Variants in KIDINS220 observed in about 807,000 individuals in gnomAD.
KIDINS220 encodes the protein kinase D interacting substrate 220, also known as kinase D-interacting substrate of 220 kDa.
Under a neutral mutation model 157.6 loss-of-function variants are expected in KIDINS220, and 63 were observed. The ratio of observed to expected loss-of-function variants is 0.40; its 90% CI spans 0.33 to 0.49. The LOEUF is 0.49. Ranked by LOEUF, KIDINS220 falls within the 20% of genes least tolerant of loss-of-function variation. The pLI is 0.66. For missense variants in KIDINS220, 1,772 were observed against 2,171.2 expected, an observed-to-expected ratio of 0.82 and a Z score of 3.65; for synonymous variants, 732 against 783.6, an observed-to-expected ratio of 0.93 and a Z score of 1.10.
intron 22 of KIDINS220, among the ~76,000 whole-genome samples, chr2:8,758,995 G>A (rs965488770): frequency 1.3e-5 from 2 of 152,204 alleles, no homozygotes; most frequent in African/African-American, 4.8e-5. Context: ...TCGTGTGGTG[G>A]TCACAGAATA....
rs749893524 is a variant in KIDINS220, at chr2:8,765,022, G to C, written c.3011+5648C>G. Among the ~76,000 whole-genome samples, 4 of 145,474 alleles carry C rather than the reference G, an allele frequency of 2.7e-5. No individual in the cohort carries two copies. In the East Asian group the frequency reaches 7.7e-4, roughly 28 times the overall value. On this transcript the variant is annotated intron_variant, in intron 22 of 29. Transcript: ENST00000256707. The stretch of plus-strand genomic sequence containing the variant: ...CTCATCTAATAAAGCCTCGAAGGAT[G>C]GGGGGGCTTGGTAACAAAAGGCTTC...
At chr2:8,815,891 T>A (rs1284061198) in intron 4 of KIDINS220, among the ~76,000 whole-genome samples, 1 of 152,120 alleles carries the variant, frequency 6.6e-6, no homozygotes, top group Non-Finnish European at 1.5e-5. Flanking sequence ...ATCCTGGAAT[T>A]CTTCCTGAGC....
chr2:8,819,234 A>C (rs1040757863), intron 2 of KIDINS220, among the ~76,000 whole-genome samples: 6 of 152,208 alleles, frequency 3.9e-5, no homozygotes, highest in African/African-American at 1.4e-4. Context: ...ATAATAAATA[A>C]AAACAACCAG....
rs200081016 is a variant in KIDINS220, at chr2:8,747,933, C to T, written c.3482G>A (p.Arg1161His). The change falls in exon 25 of 30, where the codon CGT becomes CAT. Residue 1161 changes from arginine (R) to histidine (H), a missense_variant. Physicochemically the swap from Arg to His is conservative, Grantham distance 29 (BLOSUM62 0). Transcript: ENST00000256707. ...YPGGSQHLISRPSVKTSLPRD... is the reference protein window; with the variant it reads ...YPGGSQHLISHPSVKTSLPRD... ...GGGCAAACTCGTTTTTACTGATGGA[C>T]GTGAGATGAGATGTTGGGAGCCGCC... The T allele has an allele frequency of 3.4e-5, 54 of 1,605,818 alleles. No homozygotes were observed. In the South Asian group the frequency reaches 3.7e-4, roughly 11 times the overall value.
chr2:8,749,383 G>A (rs899153065), intron 24 of KIDINS220: 39 of 456,004 alleles, frequency 8.6e-5, no homozygotes, highest in Non-Finnish European at 1.1e-4. Flanking sequence ...TAAGAGAACA[G>A]TTCCAGAAAG....
Position 8,802,947 on chromosome 2 carries a change from C to T in KIDINS220, c.784G>A (p.Val262Met), listed in dbSNP as rs553579535. 37 of 1,613,774 alleles carry T rather than the reference C, an allele frequency of 2.3e-5. No homozygotes were observed. The highest frequency in any genetic ancestry group is 3.1e-5 in the Non-Finnish European group (36 of 1,179,966). The change falls in exon 8 of 30, where the codon GTG becomes ATG. Residue 262 changes from valine (V) to methionine (M), a missense_variant. Val to Met is a conservative substitution (Grantham distance 21). This residue lies in a region of KIDINS220 where 725 missense variants were observed against 1,017.1 expected (regional missense o/e 0.71). Transcript: ENST00000256707. ...VQDLLDAGTY[V>M]NIPDRSGDTV... ...TGACCTACCCTGTCAGGTATGTTCA[C>T]ATATGTTCCAGCGTCGAGCAGATCC...
At chr2:8,834,402 T>G (rs1422661222) in intron 1 of KIDINS220, among the ~76,000 whole-genome samples, 1 of 151,874 alleles carries the variant, frequency 6.6e-6, no homozygotes, top group Non-Finnish European at 1.5e-5. Context: ...ATACGTCACC[T>G]GATCAGAGCT....
At chr2:8,780,520 C>G (rs199813739) in intron 17 of KIDINS220, among the ~76,000 whole-genome samples, 2 of 148,960 alleles carry the variant, frequency 1.3e-5, no homozygotes, top group African/African-American at 4.9e-5. Context: ...GTGTGTGTGT[C>G]TGTGTGTGTG....
At position 8,836,109 on chromosome 2, in the gene KIDINS220, A is replaced by G. The variant is rs138529650; in HGVS notation, c.-37+1371T>C. Among the ~76,000 whole-genome samples the G allele has an allele frequency of 4.5e-3, 686 of 152,284 alleles. 6 individuals are homozygous for G. Among genetic ancestry groups the G allele is most frequent in the African/African-American group, 0.016 (655 of 41,566 alleles). ...AATATCCAGAAGAGATATTCTGGAT[A>G]TAAAGATAAAACTATGTGACTGGTT... On this transcript the variant is annotated intron_variant, in intron 1 of 29. Coordinates refer to ENST00000256707, the MANE Select transcript of KIDINS220 (RefSeq NM_020738.4).
intron 20 of KIDINS220, among the ~76,000 whole-genome samples, chr2:8,778,365 T>G (rs970321606): frequency 1.3e-5 from 2 of 152,170 alleles, no homozygotes; most frequent in African/African-American, 4.8e-5. Context: ...TTCTCAACCC[T>G]GGATGAAATC....
rs766373337 is a variant in KIDINS220, at chr2:8,778,604, TACAA to T, written c.2703+31_2703+34del. The T allele has an allele frequency of 9.7e-6, 13 of 1,339,802 alleles. No homozygotes were observed. In the South Asian group the frequency reaches 1.5e-4, roughly 16 times the overall value. The allele number at this position is 1,339,802 out of a possible 1,614,324, so 83.0% of individuals were successfully genotyped here. A position where few individuals can be genotyped will look rare whatever the true frequency, so the allele number is the denominator to read the frequency against. On this transcript the variant is annotated intron_variant, in intron 20 of 29. Transcript: ENST00000256707. ...TTATTTGTATTAAATTGAATAGCAA[TACAA>T]ACATACAGCTCGAAGCCAATGGCAT...
chr2:8,784,290 G>A (rs933130071), intron 17 of KIDINS220, among the ~76,000 whole-genome samples: 11 of 151,472 alleles, frequency 7.3e-5, no homozygotes, highest in Non-Finnish European at 1.3e-4. Flanking sequence ...ATAGCTCACA[G>A]ACCTAAATGC....
intron 4 of KIDINS220, among the ~76,000 whole-genome samples, chr2:8,816,071 C>T (rs189266123): frequency 6.6e-6 from 1 of 152,292 alleles, no homozygotes; most frequent in East Asian, 1.9e-4. Context: ...ACATGGTCCT[C>T]AGTTTCCCCA....
rs376497503 is a variant in KIDINS220, at chr2:8,731,121, T to C, written c.4915A>G (p.Ile1639Val). 1.2e-5 allele frequency: 20 copies of C among 1,614,072 alleles called. No homozygotes were observed. Among genetic ancestry groups the C allele is most frequent in the African/African-American group, 1.1e-4 (8 of 74,936 alleles). Residue 1639 changes from isoleucine to valine, a missense_variant, in exon 30 of 30, where the codon ATT becomes GTT. Ile to Val is a conservative substitution (Grantham distance 29). This residue lies in a region of KIDINS220 where 793 missense variants were observed against 885.5 expected (regional missense o/e 0.90). Coordinates refer to ENST00000256707, the MANE Select transcript of KIDINS220 (RefSeq NM_020738.4). This position sits in a 1 kb window ranked among gnomAD's most constrained non-coding sequence, Gnocchi z 5.2. ...PHSLSGLQDP[I>V]IARMSICSED... Reference sequence around the variant, plus strand: ...GAACAAATGGACATCCGAGCTATAATTGGATCTTGCAGGCCACTCAGGCTA... The same window carrying C: ...GAACAAATGGACATCCGAGCTATAACTGGATCTTGCAGGCCACTCAGGCTA...
chr2:8,795,288 C>T (rs1388789514), intron 11 of KIDINS220, among the ~76,000 whole-genome samples: 1 of 152,202 alleles, frequency 6.6e-6, no homozygotes, highest in Non-Finnish European at 1.5e-5. Context: ...TATCCAAACC[C>T]AATTTCATCT....
chr2:8,826,817 C>A, intron 2 of KIDINS220, 169 bp downstream of exon 2: 1 of 374,964 alleles, frequency 2.7e-6, no homozygotes, highest in Non-Finnish European at 4.8e-6. Context: ...AAATGTACTC[C>A]AAAAACATGA....
Position 8,813,329 on chromosome 2 carries a change from A to C in KIDINS220, c.313T>G (p.Trp105Gly). The C allele has an allele frequency of 6.2e-7, 1 of 1,609,948 alleles. No individual in the cohort carries two copies. The highest frequency in any genetic ancestry group is 1.1e-5 in the South Asian group (1 of 90,156). ...VNLEHRDMGG[W>G]TALMWACYKG... ...TAACATGCCCACATAAGAGCTGTCC[A>C]TCCTCCCTAAACAAAAAATGTAGGG... Residue 105 changes from tryptophan (W) to glycine (G), a missense_variant, in exon 5 of 30, where the codon TGG (tryptophan) becomes GGG (glycine). Trp to Gly is a radical substitution (Grantham distance 184). Coordinates refer to ENST00000256707, the MANE Select transcript of KIDINS220 (RefSeq NM_020738.4).
intron 12 of KIDINS220, 139 bp downstream of exon 12, chr2:8,793,671 T>C: frequency 2.9e-6 from 2 of 680,914 alleles, no homozygotes; most frequent in Non-Finnish European, 4.7e-6. Flanking sequence ...ACTCCTGGGG[T>C]CAAGCAATCC....
At chr2:8,774,508 C>T (rs1670698607) in intron 21 of KIDINS220, among the ~76,000 whole-genome samples, 1 of 151,894 alleles carries the variant, frequency 6.6e-6, no homozygotes, top group African/African-American at 2.4e-5. Context: ...TCATTTTATA[C>T]GAGATGGTGA....
Sources: allele counts gnomAD v4.1 joint callset (sites outside exome capture counted in the v4.1 genomes callset), GRCh38; gene constraint gnomAD v4.1.1; regional missense constraint gnomAD v4.1.1; non-coding constraint Gnocchi (gnomAD v3.1); transcripts MANE v1.5; gene names NCBI Gene and HGNC (gene_info 2026-07-23, HGNC 2026-07-21).